The following RIIAD1 variants were observed in gnomAD, a reference collection of about 807,000 sequenced individuals.
The protein encoded by RIIAD1 is RIIa domain-containing protein 1.
A neutral mutation model predicts 13.3 loss-of-function variants in RIIAD1; 15 were observed. The observed-to-expected ratio is 1.13, with a 90% CI of 0.76 to 1.74. RIIAD1 has a LOEUF of 1.74. RIIAD1 is among the 40% of genes most tolerant of loss of function. The pLI is 0.00. For synonymous variants in RIIAD1, 50 were observed against 43.3 expected (o/e 1.16, Z -0.61); for missense variants, 121 against 112.2 (o/e 1.08, Z -0.35).
chr1:151,723,166 G>A (rs770203995), intron 2 of RIIAD1, among the ~76,000 whole-genome samples: 4 of 152,070 alleles, frequency 2.6e-5, no homozygotes, highest in Non-Finnish European at 5.9e-5. Context: ...AGGCCGAGGC[G>A]GGTGGATCAC....
At chr1:151,724,024 A>G (rs373924567) in intron 2 of RIIAD1, among the ~76,000 whole-genome samples, 1 of 152,242 alleles carries the variant, frequency 6.6e-6, no homozygotes, top group African/African-American at 2.4e-5. Flanking sequence ...AGCTGAAACT[A>G]AATCAACATT....
At chr1:151,728,264 T>C (rs1355076513) in intron 3 of RIIAD1, 2 of 168,230 alleles carry the variant, frequency 1.2e-5, no homozygotes, top group Non-Finnish European at 2.6e-5. Flanking sequence ...GGCGTCATCC[T>C]GCGAGAGCCT....
At chr1:151,727,477 T>C (rs1673852778) in intron 2 of RIIAD1, 98 bp from the exon 3 acceptor site, 1 of 789,586 alleles carries the variant, frequency 1.3e-6, no homozygotes, top group Non-Finnish European at 2.2e-6. Flanking sequence ...GATGGTTGTG[T>C]CTCAGGTTCA....
At chr1:151,727,874 A>T (rs1341520779) in intron 3 of RIIAD1, among the ~76,000 whole-genome samples, 1 of 152,226 alleles carries the variant, frequency 6.6e-6, no homozygotes, top group African/African-American at 2.4e-5. Context: ...CCAAAGGAAC[A>T]TAGCGGCAGT....
chr1:151,718,830 C>A (rs995333287), upstream of RIIAD1, among the ~76,000 whole-genome samples: 5 of 152,026 alleles, frequency 3.3e-5, no homozygotes, highest in Non-Finnish European at 1.5e-5. Flanking sequence ...CCTACCCCAC[C>A]CCCACTGCTC....
intron 3 of RIIAD1, among the ~76,000 whole-genome samples, chr1:151,728,204 AGATGCTGCCTCT>A (rs1302426305): frequency 6.6e-6 from 1 of 152,238 alleles, no homozygotes; most frequent in Non-Finnish European, 1.5e-5. Flanking sequence ...CTAGCGCAGC[AGATGCTGCCTCT>A]GATTCACAGT....
In RIIAD1 at chr1:151,728,781, C is replaced by G; in HGVS notation, c.224C>G (p.Pro75Arg). 1 of 1,540,922 alleles carries G rather than the reference C, an allele frequency of 6.5e-7. No individual in the cohort carries two copies. The highest frequency in any genetic ancestry group is 8.8e-7 in the Non-Finnish European group (1 of 1,137,484). ...TTTATCCCAGACTACTTCACGGATC[C>G]AAGACTTCCCAACAAGATTCACATG... ...LEFAADYFTD[P>R]RLPNKIHMQL... The change falls in exon 4 of 5, where the codon CCA (proline) becomes CGA (arginine). Residue 75 changes from proline to arginine, a missense_variant. Transcript: ENST00000479191.
At chr1:151,726,160 A>G (rs764974720) in intron 2 of RIIAD1, among the ~76,000 whole-genome samples, 78 of 152,222 alleles carry the variant, frequency 5.1e-4, no homozygotes, top group Non-Finnish European at 9.0e-4. Context: ...TGTGTACTTC[A>G]AGGGTCCTCT....
intron 3 of RIIAD1, among the ~76,000 whole-genome samples, chr1:151,713,980 T>C (rs1558110827): frequency 6.6e-6 from 1 of 152,162 alleles, no homozygotes. Context: ...TCCTCTACAA[T>C]GTCTGTCCCT....
chr1:151,728,822 A>G lies in RIIAD1; in HGVS notation c.265A>G (p.Lys89Glu). ...GATTCACATGCAGCTAATTAAAGACAAGAAAGCGGCTTAATTAGCAAAATC... is the reference window on the plus strand; with the variant it reads ...GATTCACATGCAGCTAATTAAAGACGAGAAAGCGGCTTAATTAGCAAAATC... ...NKIHMQLIKD[K>E]KAA The change falls in exon 4 of 5, where the codon AAG becomes GAG. Residue 89 changes from lysine (K) to glutamate (E), a missense_variant. Lys to Glu is a moderately conservative substitution (Grantham distance 56). Transcript: ENST00000479191. The G allele has an allele frequency of 6.5e-7, 1 of 1,541,052 alleles. No individual in the cohort carries two copies. The highest frequency in any genetic ancestry group is 8.8e-7 in the Non-Finnish European group (1 of 1,137,428).
upstream of RIIAD1, among the ~76,000 whole-genome samples, chr1:151,718,638 T>G (rs1358315269): frequency 6.6e-6 from 1 of 152,206 alleles, no homozygotes; most frequent in South Asian, 2.1e-4. Flanking sequence ...TGTGTATGTG[T>G]GTAGACTTGA....
At chr1:151,713,175 G>A (rs113543271) in intron 2 of RIIAD1, among the ~76,000 whole-genome samples, 4,608 of 152,276 alleles carry the variant, frequency 0.03, 212 homozygotes, top group African/African-American at 0.1. Flanking sequence ...AGAATTCAGC[G>A]TCACCTAGAA....
rs930445535 is a variant in RIIAD1 at position 151,716,144 on chromosome 1, C to T, written c.21+1615C>T. ...CAGCTGGGGCTGGCTTTCCCTTTGGCCCCCAACCACGCTGCTAAGCAGAGG... is the reference window on the plus strand; with the variant it reads ...CAGCTGGGGCTGGCTTTCCCTTTGGTCCCCAACCACGCTGCTAAGCAGAGG... On this transcript the variant is annotated intron_variant, in intron 4 of 8. Transcript: ENST00000326413. 2.1e-5 allele frequency: 20 copies of T among 970,458 alleles called. No homozygotes were observed. In the African/African-American group the frequency reaches 3.3e-4, roughly 16 times the overall value. The allele number at this position is 970,458 out of a possible 1,614,324, so 60.1% of individuals were successfully genotyped here.
At chr1:151,716,411 AG>A (rs1447155697) in intron 4 of RIIAD1, 2 of 264,144 alleles carry the variant, frequency 7.6e-6, no homozygotes, top group Non-Finnish European at 1.5e-5. Context: ...AGGCGGGGAA[AG>A]GGCCTGAGGA....
upstream of RIIAD1, among the ~76,000 whole-genome samples, chr1:151,718,521 C>T (rs1299864043): frequency 6.6e-6 from 1 of 152,226 alleles, no homozygotes; most frequent in African/African-American, 2.4e-5. Flanking sequence ...GAGAGAGAGT[C>T]TTTCTTTTTA....
At chr1:151,723,816 T>C (rs1451979682) in intron 2 of RIIAD1, among the ~76,000 whole-genome samples, 1 of 152,192 alleles carries the variant, frequency 6.6e-6, no homozygotes, top group Non-Finnish European at 1.5e-5. Flanking sequence ...CCTATCCAGT[T>C]ATGAAGGTTG....
intron 2 of RIIAD1, among the ~76,000 whole-genome samples, chr1:151,727,197 G>C (rs1165832295): frequency 6.6e-6 from 1 of 152,182 alleles, no homozygotes; most frequent in East Asian, 1.9e-4. Context: ...AGGATCTCTT[G>C]AGCCAGGGAG....
intron 3 of RIIAD1, among the ~76,000 whole-genome samples, chr1:151,727,827 T>C (rs923645952): frequency 6.6e-6 from 1 of 152,182 alleles, no homozygotes; most frequent in Non-Finnish European, 1.5e-5. Flanking sequence ...GAGGCAGAAC[T>C]TCCTCATGGT....
At chr1:151,718,280 A>C (rs1673637339), upstream of RIIAD1, among the ~76,000 whole-genome samples, 1 of 152,088 alleles carries the variant, frequency 6.6e-6, no homozygotes, top group African/African-American at 2.4e-5. Flanking sequence ...CCACCCCCCT[A>C]TGATGTAGAT....
Sources: gnomAD v4.1 joint callset for allele counts (sites outside exome capture counted in the v4.1 genomes callset) on GRCh38, gnomAD v4.1.1 for gene constraint, MANE v1.5 for transcripts, NCBI Gene and HGNC (gene_info 2026-07-23, HGNC 2026-07-21) for gene names.